Variants in C9orf43 observed in about 807,000 individuals in gnomAD.
C9orf43 encodes uncharacterized protein C9orf43.
C9orf43 carries 45 observed loss-of-function variants against 59.1 expected under a neutral mutation model. The ratio of observed to expected loss-of-function variants is 0.76; its 90% CI spans 0.60 to 0.98. The LOEUF (loss-of-function observed/expected upper bound fraction) is 0.98. Ranked by LOEUF, C9orf43 falls within the 50% of genes least tolerant of loss-of-function variation. The pLI, the probability that C9orf43 is intolerant of heterozygous loss-of-function variation, is 0.00. For synonymous variants in C9orf43, 203 were observed against 196.8 expected (o/e 1.03, Z -0.26); for missense variants, 533 against 554.9 (o/e 0.96, Z 0.40).
Position 113,413,769 on chromosome 9 carries a change from A to C in C9orf43, c.162A>C (p.Pro54=), listed in dbSNP as rs959251537. 1.2e-6 allele frequency: 2 copies of C among 1,613,998 alleles called. No homozygotes were observed. Among genetic ancestry groups the C allele is most frequent in the South Asian group, 2.2e-5 (2 of 91,040 alleles). Residue 54 remains proline, a synonymous_variant, in exon 3 of 14, where the codon CCA becomes CCC. Transcript: ENST00000374165. ...GGTCTGCCTTCTTAGATAAACTCCCAGTGCTCACCGTGGTAGACATCTTAG... is the reference window on the plus strand; with the variant it reads ...GGTCTGCCTTCTTAGATAAACTCCCCGTGCTCACCGTGGTAGACATCTTAG... The part of the protein sequence containing the change: ...KTPLDAEDKL[P]VLTVVDILDS...
chr9:113,428,009 A>T, intron 11 of C9orf43, 138 bp from the exon 12 acceptor site: 1 of 759,256 alleles, frequency 1.3e-6, no homozygotes, highest in East Asian at 2.5e-5. Flanking sequence ...AGAAGGTCTA[A>T]CTACCTTTTA....
chr9:113,424,748 A>G (rs1460111461), intron 8 of C9orf43, among the ~76,000 whole-genome samples: 1 of 151,424 alleles, frequency 6.6e-6, no homozygotes, highest in Non-Finnish European at 1.5e-5. Flanking sequence ...CTGGTTTCGA[A>G]CTCCTGAGCT....
chr9:113,414,739 A>G (rs1828297028), intron 3 of C9orf43, among the ~76,000 whole-genome samples: 1 of 151,202 alleles, frequency 6.6e-6, no homozygotes, highest in Admixed American at 6.6e-5. Context: ...AATACAGTCA[A>G]ATTCTGAAGT....
chr9:113,412,701 G>T (rs983104150), intron 1 of C9orf43, among the ~76,000 whole-genome samples: 1 of 152,180 alleles, frequency 6.6e-6, no homozygotes, highest in Non-Finnish European at 1.5e-5. Flanking sequence ...TTGTGGAGAG[G>T]GGGTAACTCA....
intron 11 of C9orf43, 111 bp downstream of exon 11, chr9:113,425,841 G>C: frequency 7.2e-6 from 6 of 837,554 alleles, no homozygotes; most frequent in Non-Finnish European, 4.1e-6. Context: ...CCTTTGTCAG[G>C]CACTCAGAGT....
chr9:113,417,905 CT>C (rs1354538928), intron 3 of C9orf43, among the ~76,000 whole-genome samples: 1 of 151,966 alleles, frequency 6.6e-6, no homozygotes, highest in African/African-American at 2.4e-5. Context: ...AGGTCTTTAT[CT>C]TTTTTTTGTT....
chr9:113,428,352 T>TCTC, intron 12 of C9orf43, 129 bp downstream of exon 12: 1 of 954,280 alleles, frequency 1.0e-6, no homozygotes, highest in Admixed American at 2.0e-5. Context: ...CAGTTGTTCT[T>TCTC]CTCCTGCTTG....
chr9:113,412,573 G>T (rs1293847602), intron 1 of C9orf43, among the ~76,000 whole-genome samples: 1 of 152,186 alleles, frequency 6.6e-6, no homozygotes, highest in Admixed American at 6.5e-5. Context: ...CTCTAGAAAG[G>T]AAAAGATGAT....
At chr9:113,429,042 AC>A in intron 13 of C9orf43, 79 bp downstream of exon 13, 1 of 1,503,182 alleles carries the variant, frequency 6.7e-7, no homozygotes, top group Middle Eastern at 1.7e-4. Flanking sequence ...AGGATAGTTT[AC>A]CTCCCTGAAG....
intron 12 of C9orf43, 31 bp downstream of exon 12, chr9:113,428,254 C>A (rs1301874696): frequency 6.3e-7 from 1 of 1,591,424 alleles, no homozygotes; most frequent in Non-Finnish European, 8.6e-7. Context: ...CTGCTAGGAC[C>A]CAGTTTCAGT....
intron 11 of C9orf43, among the ~76,000 whole-genome samples, chr9:113,426,280 G>A (rs1331059936): frequency 6.6e-6 from 1 of 152,166 alleles, no homozygotes; most frequent in East Asian, 1.9e-4. Flanking sequence ...TTTTGCTCCA[G>A]TGCTCATGCT....
In C9orf43 at chr9:113,418,087, C is replaced by T. The variant is rs1039749468; in HGVS notation, c.288-1021C>T. Among the ~76,000 whole-genome samples the T allele has an allele frequency of 3.3e-5, 5 of 151,988 alleles. No individual in the cohort carries two copies. In the South Asian group the frequency reaches 6.3e-4, roughly 19 times the overall value. On this transcript the variant is annotated intron_variant, in intron 3 of 13. Transcript: ENST00000374165. Reference sequence around the variant, plus strand: ...AAATATATACATAATAAAAATTGACCATTTTAGCCATTTTTAAGCATACAA... The same window carrying T: ...AAATATATACATAATAAAAATTGACTATTTTAGCCATTTTTAAGCATACAA...
At chr9:113,417,789 T>C (rs1828422804) in intron 3 of C9orf43, among the ~76,000 whole-genome samples, 1 of 152,166 alleles carries the variant, frequency 6.6e-6, no homozygotes, top group South Asian at 2.1e-4. Flanking sequence ...GCCTAGAACA[T>C]AGAGCAGGAA....
At chr9:113,428,877 C>T in intron 12 of C9orf43, 23 bp from the exon 13 acceptor site, 1 of 1,599,886 alleles carries the variant, frequency 6.3e-7, no homozygotes, top group Non-Finnish European at 8.6e-7. Flanking sequence ...ATTCAAATTT[C>T]CTTATACCCC....
At chr9:113,419,403 G>A (rs1828488163) in intron 4 of C9orf43, among the ~76,000 whole-genome samples, 1 of 152,130 alleles carries the variant, frequency 6.6e-6, no homozygotes, top group African/African-American at 2.4e-5. Context: ...TTTGGCGTAG[G>A]TGAGAATTTT....
intron 1 of C9orf43, among the ~76,000 whole-genome samples, chr9:113,412,376 T>TA (rs1256251630): frequency 6.6e-6 from 1 of 152,248 alleles, no homozygotes; most frequent in Non-Finnish European, 1.5e-5. Flanking sequence ...CCCAGGCTGA[T>TA]AGTTTATCTT....
chr9:113,422,321 T>C (rs894634931), intron 5 of C9orf43, among the ~76,000 whole-genome samples: 1 of 152,156 alleles, frequency 6.6e-6, no homozygotes, highest in African/African-American at 2.4e-5. Flanking sequence ...CTAATTTAGA[T>C]ATGAGGATGG....
chr9:113,418,481 G>A (rs760919380), intron 3 of C9orf43, among the ~76,000 whole-genome samples: 15 of 152,132 alleles, frequency 9.9e-5, no homozygotes, highest in Non-Finnish European at 1.0e-4. Context: ...ATGTTGTTAC[G>A]TATACATACA....
chr9:113,428,032 G>T (rs943804615), intron 11 of C9orf43, 115 bp from the exon 12 acceptor site: 2 of 963,234 alleles, frequency 2.1e-6, no homozygotes, highest in South Asian at 1.4e-5. Flanking sequence ...TGCCATCAAG[G>T]TCTTGTCTTT....
Sources: gnomAD v4.1 joint callset for allele counts (sites outside exome capture counted in the v4.1 genomes callset) on GRCh38, gnomAD v4.1.1 for gene constraint, MANE v1.5 for transcripts, NCBI Gene and HGNC (gene_info 2026-07-23, HGNC 2026-07-21) for gene names.